Variants in KIFAP3 observed in about 807,000 individuals in gnomAD.
KIFAP3 encodes the protein kinesin-associated protein 3.
KIFAP3 carries 68 observed loss-of-function variants against 106.5 expected under a neutral mutation model. That is an observed-to-expected ratio of 0.64 (90% confidence interval 0.53 to 0.78). The LOEUF is 0.78. Ranked by LOEUF, KIFAP3 falls within the 30% of genes least tolerant of loss-of-function variation. The pLI is 0.00. For missense variants in KIFAP3, 780 were observed against 941.8 expected, an observed-to-expected ratio of 0.83 and a Z score of 2.25; for synonymous variants, 320 against 311.5, an observed-to-expected ratio of 1.03 and a Z score of -0.29.
rs980988656 is a variant in KIFAP3, at chr1:169,991,874, A to G, written c.1284+281T>C. ...ATAATTATGATATATTAATAAAGCA[A>G]TATGTAAATATTACATATACCATGT... On this transcript the variant is annotated intron_variant, in intron 11 of 19. Coordinates refer to ENST00000361580, the MANE Select transcript of KIFAP3 (RefSeq NM_014970.4). Among the ~76,000 whole-genome samples the G allele has an allele frequency of 7.2e-5, 11 of 152,092 alleles. No homozygotes were observed. In the East Asian group the frequency reaches 2.1e-3, roughly 29 times the overall value.
chr1:169,945,893 G>A (rs1449142587), intron 19 of KIFAP3, among the ~76,000 whole-genome samples: 3 of 152,058 alleles, frequency 2.0e-5, no homozygotes, highest in South Asian at 2.1e-4. Flanking sequence ...GCCCTTAAAG[G>A]TTATAGGCCC....
At chr1:169,998,050 A>AAG (rs397947925) in intron 10 of KIFAP3, among the ~76,000 whole-genome samples, 2 of 151,436 alleles carry the variant, frequency 1.3e-5, no homozygotes, top group African/African-American at 4.9e-5. Flanking sequence ...AAAAAAAAAA[A>AAG]CTTTAGTAAA....
chr1:170,041,210 A>T (rs1472727260), intron 3 of KIFAP3, among the ~76,000 whole-genome samples: 2 of 152,090 alleles, frequency 1.3e-5, no homozygotes, highest in Admixed American at 6.5e-5. Context: ...ATTCACAGCT[A>T]AAAAAAGTAT....
intron 1 of KIFAP3, among the ~76,000 whole-genome samples, chr1:170,070,779 G>A (rs1367382324): frequency 3.3e-5 from 5 of 152,104 alleles, no homozygotes; most frequent in Non-Finnish European, 7.4e-5. Context: ...CTTAAATAAC[G>A]ATGCCAAAAG....
intron 17 of KIFAP3, among the ~76,000 whole-genome samples, chr1:169,964,257 C>T (rs1665487837): frequency 1.3e-5 from 2 of 152,114 alleles, no homozygotes; most frequent in Admixed American, 1.3e-4. Flanking sequence ...TAACGGCTCT[C>T]TGACATATGT....
upstream of KIFAP3, among the ~76,000 whole-genome samples, chr1:170,076,528 T>C (rs1384522378): frequency 2.6e-5 from 4 of 152,056 alleles, no homozygotes; most frequent in Admixed American, 2.6e-4. Flanking sequence ...ATAATGATAC[T>C]CAACAACATA....
At chr1:169,991,663 A>C (rs1667113269) in intron 11 of KIFAP3, among the ~76,000 whole-genome samples, 1 of 152,100 alleles carries the variant, frequency 6.6e-6, no homozygotes, top group Admixed American at 6.6e-5. Context: ...AAATTCAGAG[A>C]CGTGGGGAAG....
chr1:170,035,243 A>G lies in KIFAP3; in HGVS notation c.617+211T>C, dbSNP rs189815544. Reference sequence around the variant, plus strand: ...CTATCCAAATTTTACTCATAAGGAAACTGAGGCATGAGTGGGTATAGACTA... The same window carrying G: ...CTATCCAAATTTTACTCATAAGGAAGCTGAGGCATGAGTGGGTATAGACTA... On this transcript the variant is annotated intron_variant, in intron 6 of 19. Coordinates refer to ENST00000361580, the MANE Select transcript of KIFAP3 (RefSeq NM_014970.4). Among the ~76,000 whole-genome samples, 137 of 152,138 alleles carry G rather than the reference A, an allele frequency of 9.0e-4. 1 individual carries two copies. The highest frequency in any genetic ancestry group is 1.5e-3 in the Non-Finnish European group (101 of 67,896).
intron 16 of KIFAP3, among the ~76,000 whole-genome samples, chr1:169,973,127 A>ATATATATATATATATATATATATAG (rs1666023377): frequency 7.0e-6 from 1 of 142,690 alleles, no homozygotes. Context: ...ATATATAAAC[A>ATATATATATATATATATATATATAG]ACACAAATCA....
chr1:170,004,753 C>A (rs1439447881), intron 10 of KIFAP3, among the ~76,000 whole-genome samples: 1 of 150,864 alleles, frequency 6.6e-6, no homozygotes, highest in African/African-American at 2.4e-5. Flanking sequence ...CCATAAAAAC[C>A]CTAGAAGAAA....
chr1:169,934,125 T>C (rs1663651209), intron 19 of KIFAP3, among the ~76,000 whole-genome samples: 1 of 152,160 alleles, frequency 6.6e-6, no homozygotes, highest in African/African-American at 2.4e-5. Context: ...TGCCTAATGA[T>C]CTAGACAGTT....
chr1:169,998,432 ACAC>A (rs1164452570), intron 10 of KIFAP3, among the ~76,000 whole-genome samples: 6 of 150,494 alleles, frequency 4.0e-5, no homozygotes, highest in African/African-American at 4.9e-5. Context: ...ACACACACAC[ACAC>A]ACCACACACA....
chr1:169,984,574 G>T lies in KIFAP3; in HGVS notation c.1393+8C>A. On this transcript the variant is annotated splice_region_variant and intron_variant, in intron 12 of 19. Transcript: ENST00000361580. ...CTAAAAAAGTTACCTACACTCAAAGGCACTGACCTTCACAGATAAGCTGTA... is the reference window on the plus strand; with the variant it reads ...CTAAAAAAGTTACCTACACTCAAAGTCACTGACCTTCACAGATAAGCTGTA... 6.8e-7 allele frequency: 1 copy of T among 1,471,166 alleles called. No homozygotes were observed. Among genetic ancestry groups the T allele is most frequent in the Non-Finnish European group, 9.5e-7 (1 of 1,057,166 alleles). The allele number at this position is 1,471,166 out of a possible 1,614,324, so 91.1% of individuals were successfully genotyped here.
At chr1:170,062,632 C>CT (rs1671240790) in intron 1 of KIFAP3, among the ~76,000 whole-genome samples, 1 of 151,894 alleles carries the variant, frequency 6.6e-6, no homozygotes, top group Non-Finnish European at 1.5e-5. Context: ...TAAATTTTAA[C>CT]TTTTTTCCAT....
chr1:170,044,505 T>C (rs1045445358), intron 3 of KIFAP3, among the ~76,000 whole-genome samples: 1 of 152,220 alleles, frequency 6.6e-6, no homozygotes, highest in East Asian at 1.9e-4. Flanking sequence ...ACTGCCTTGT[T>C]ATAGGACATT....
At chr1:169,944,913 G>C (rs1558184219) in intron 19 of KIFAP3, among the ~76,000 whole-genome samples, 2 of 152,240 alleles carry the variant, frequency 1.3e-5, no homozygotes, top group East Asian at 3.9e-4. Context: ...ACTTTGGGTG[G>C]GAGACTCCAC....
At chr1:169,934,064 A>G (rs982191067) in intron 19 of KIFAP3, among the ~76,000 whole-genome samples, 7 of 152,180 alleles carry the variant, frequency 4.6e-5, no homozygotes, top group Admixed American at 6.6e-5. Context: ...TTGTTATGAC[A>G]TATGAAAATG....
intron 19 of KIFAP3, among the ~76,000 whole-genome samples, chr1:169,937,896 C>T (rs1217224854): frequency 6.6e-6 from 1 of 151,804 alleles, no homozygotes; most frequent in Admixed American, 6.6e-5. Flanking sequence ...ATGTGACTTC[C>T]AAGCATGTTT....
intron 18 of KIFAP3, among the ~76,000 whole-genome samples, chr1:169,956,359 T>A (rs1571556620): frequency 1.3e-5 from 2 of 152,098 alleles, no homozygotes; most frequent in South Asian, 4.1e-4. Flanking sequence ...TAAGTAAAAA[T>A]CTGACCAAAT....
Sources: gnomAD v4.1 joint callset for allele counts (sites outside exome capture counted in the v4.1 genomes callset) on GRCh38, gnomAD v4.1.1 for gene constraint, MANE v1.5 for transcripts, NCBI Gene and HGNC (gene_info 2026-07-23, HGNC 2026-07-21) for gene names.